ATP8B3: variants seen among roughly 807,000 people sequenced by gnomAD.
ATP8B3 encodes the protein ATPase phospholipid transporting 8B3, also known as phospholipid-transporting ATPase IK.
In ATP8B3, 141 loss-of-function variants were observed where a neutral mutation model predicts 140.9. That is an observed-to-expected ratio of 1.00 (90% CI 0.87 to 1.15). The LOEUF (loss-of-function observed/expected upper bound fraction) is 1.15. Among genes scored for constraint, ATP8B3 ranks in the 50% most tolerant of loss-of-function variants. ATP8B3 has a pLI of 0.00. For missense variants in ATP8B3, 1,874 were observed against 1,740.6 expected, an observed-to-expected ratio of 1.08 and a Z score of -1.36; for synonymous variants, 765 against 714.6, an observed-to-expected ratio of 1.07 and a Z score of -1.13.
rs373632059 is a variant in ATP8B3 at position 1,783,244 on chromosome 19, G to A, written c.3687C>T (p.Ser1229=). Residue 1229 remains serine (S), a synonymous_variant, in exon 29 of 29, where the codon AGC becomes AGT. Coordinates refer to ENST00000310127, the MANE Select transcript of ATP8B3 (RefSeq NM_138813.4). ...AKEEKVEEGP[S]EEIFTMEPLP... ...AGGGCTCCATGGTGAAAATCTCCTC[G>A]CTGGGGCCCTCCTCCACCTTCTCCT... 9.9e-6 allele frequency: 16 copies of A among 1,609,918 alleles called. No homozygotes were observed. The African/African-American group carries it at 1.5e-4, about 15-fold the overall frequency.
chr19:1,782,917 A>G lies in ATP8B3; in HGVS notation c.*111T>C, dbSNP rs2068198218. On this transcript the variant is annotated 3_prime_UTR_variant, in exon 29 of 29. Transcript: ENST00000310127. ...TTTCTGGATGAAGAGCGGATTGTCT[A>G]TCCATAGAAAATGATGAGCTAGGTG... The G allele has an allele frequency of 4.3e-6, 6 of 1,384,534 alleles. No homozygotes were observed. The highest frequency in any genetic ancestry group is 1.5e-5 in the African/African-American group (1 of 68,914). The allele number at this position is 1,384,534 out of a possible 1,614,324, so 85.8% of individuals were successfully genotyped here. A position where few individuals can be genotyped will look rare whatever the true frequency, so the allele number is the denominator to read the frequency against.
At position 1,809,600 on chromosome 19, in the gene ATP8B3, G is replaced by A. The variant is rs762309893; in HGVS notation, c.402+43C>T. The A allele has an allele frequency of 4.6e-6, 7 of 1,518,600 alleles. No homozygotes were observed. In the East Asian group the frequency reaches 1.2e-4, roughly 26 times the overall value. 94.1% of individuals were successfully genotyped at this position (1,518,600 alleles called of 1,614,324 possible). A position where few individuals can be genotyped will look rare whatever the true frequency, so the allele number is the denominator to read the frequency against. ...AAAATAGATTCCCCGAGGGTACCAC[G>A]GCAGCTCCTCTGGAGCAGGGAGGCG... On this transcript the variant is annotated intron_variant, in intron 4 of 28. Coordinates refer to ENST00000310127, the MANE Select transcript of ATP8B3 (RefSeq NM_138813.4).
rs1295843636 is a variant in ATP8B3 at position 1,792,098 on chromosome 19, G to A, written c.2093C>T (p.Ala698Val). 3 of 1,574,416 alleles carry A rather than the reference G, an allele frequency of 1.9e-6. No individual in the cohort carries two copies. Among genetic ancestry groups the A allele is most frequent in the Non-Finnish European group, 8.6e-7 (1 of 1,164,546 alleles). Reference protein sequence around the residue: ...AQETLRTLCLAYREVAEDIYE... With the variant: ...AQETLRTLCLVYREVAEDIYE... ...AATGTCCTCAGCCACCTCCCTGTAG[G>A]CCAGGCACAGTGTCCGCAGGGTCTC... The change falls in exon 19 of 29, where the codon GCC becomes GTC. Residue 698 changes from alanine (A) to valine (V), a missense_variant. This residue lies in a region of ATP8B3 where 1,032 missense variants were observed against 963.6 expected (regional missense o/e 1.07). Coordinates refer to ENST00000310127, the MANE Select transcript of ATP8B3 (RefSeq NM_138813.4).
rs577814866 is a variant in ATP8B3, at chr19:1,786,906, G to A, written c.3153+197C>T. On this transcript the variant is annotated intron_variant, in intron 25 of 28. Transcript: ENST00000310127. ...CTCCCACACACAGGAGGAGCTGGAT[G>A]GCCCCGGGATGAGCGTAGGCTCCGG... 2.0e-5 allele frequency among the ~76,000 whole-genome samples: 3 copies of A among 152,356 alleles called. No homozygotes were observed. In the East Asian group the frequency reaches 5.8e-4, roughly 29 times the overall value.
At position 1,789,608 on chromosome 19, in the gene ATP8B3, C is replaced by T. The variant is rs1162180618; in HGVS notation, c.2598G>A (p.Leu866=). ...SRRDFLYARR[L]SLLCRRFGLP... is the part of the protein sequence containing the mutation. ...GCCCGAACCTCCGGCACAGCAGGGA[C>T]AGGCGCCTGGCGTAGAGGAAATCCC... The change falls in exon 23 of 29, where the codon CTG becomes CTA. Residue 866 remains leucine, a synonymous_variant. Transcript: ENST00000310127. The T allele has an allele frequency of 1.9e-6, 3 of 1,592,588 alleles. No homozygotes were observed. Among genetic ancestry groups the T allele is most frequent in the South Asian group, 1.1e-5 (1 of 88,880 alleles).
intron 18 of ATP8B3, among the ~76,000 whole-genome samples, chr19:1,792,737 C>T (rs1030387384): frequency 6.6e-6 from 1 of 151,912 alleles, no homozygotes; most frequent in African/African-American, 2.4e-5. Context: ...TACGGTGAAA[C>T]CGCGTCTCCA....
Position 1,802,480 on chromosome 19 carries a change from G to A in ATP8B3, c.1063+7C>T. 2.2e-6 allele frequency: 3 copies of A among 1,366,346 alleles called. No individual in the cohort carries two copies. The highest frequency in any genetic ancestry group is 2.9e-6 in the Non-Finnish European group (3 of 1,042,564). The allele number at this position is 1,366,346 out of a possible 1,614,324, so 84.6% of individuals were successfully genotyped here. The stretch of plus-strand genomic sequence containing the variant: ...GCTCCCACTCCAGGACCCTGGAGCA[G>A]CCGTACCAGCATAAATGACCAGTCC... On this transcript the variant is annotated splice_region_variant and intron_variant, in intron 11 of 28. Coordinates refer to ENST00000310127, the MANE Select transcript of ATP8B3 (RefSeq NM_138813.4).
intron 25 of ATP8B3, among the ~76,000 whole-genome samples, chr19:1,786,484 T>G (rs1171979728): frequency 6.6e-6 from 1 of 151,400 alleles, no homozygotes; most frequent in Non-Finnish European, 1.5e-5. Context: ...GAGAATCGCT[T>G]GAACCCGGGA....
rs140309498 is a variant in ATP8B3 at position 1,808,261 on chromosome 19, G to A, written c.477C>T (p.Arg159=). 7 of 1,613,038 alleles carry A rather than the reference G, an allele frequency of 4.3e-6. No individual in the cohort carries two copies. Among genetic ancestry groups the A allele is most frequent in the East Asian group, 2.2e-5 (1 of 44,878 alleles). Residue 159 remains arginine (R), a synonymous_variant, in exon 5 of 29, where the codon CGC becomes CGT. Coordinates refer to ENST00000310127, the MANE Select transcript of ATP8B3 (RefSeq NM_138813.4). ...LPLNLYEQFH[R]VSNLFFLIII... ...TGATGAGGAAGAACAGGTTGGACAC[G>A]CGGTGGAACTGCTCGTACAGGTTCA...
At position 1,807,375 on chromosome 19, in the gene ATP8B3, G is replaced by A. The variant is rs538609047; in HGVS notation, c.517-109C>T. 13 of 863,136 alleles carry A rather than the reference G, an allele frequency of 1.5e-5. No individual in the cohort carries two copies. In the African/African-American group the frequency reaches 1.7e-4, roughly 11 times the overall value. The allele number at this position is 863,136 out of a possible 1,614,324, so 53.5% of individuals were successfully genotyped here. A position where few individuals can be genotyped will look rare whatever the true frequency, so the allele number is the denominator to read the frequency against. On this transcript the variant is annotated intron_variant, in intron 5 of 28. Coordinates refer to ENST00000310127, the MANE Select transcript of ATP8B3 (RefSeq NM_138813.4). This position sits in a 1 kb window ranked among gnomAD's most constrained non-coding sequence, Gnocchi z 5.9. ...CTCGACACCACGTGACACATCTGCT[G>A]GCCACCTTGACCGGGGTCCAGCCAT... is the stretch of plus-strand genomic sequence containing the variant.
Position 1,799,947 on chromosome 19 carries a change from C to G in ATP8B3, c.1552G>C (p.Gly518Arg), listed in dbSNP as rs2068789358. 6.3e-7 allele frequency: 1 copy of G among 1,592,046 alleles called. No individual in the cohort carries two copies. The highest frequency in any genetic ancestry group is 8.5e-7 in the Non-Finnish European group (1 of 1,169,720). The change falls in exon 14 of 29, where the codon GGG (glycine) becomes CGG (arginine). Residue 518 changes from glycine (G) to arginine (R), a missense_variant and splice_region_variant. Physicochemically the swap from Gly to Arg is moderately radical, Grantham distance 125. Around this residue, in one of 3 missense-constraint regions of ATP8B3, gnomAD observed 1,032 missense variants for 963.6 expected, o/e 1.07. Transcript: ENST00000310127. Reference sequence around the variant, plus strand: ...GGGAGCTCAGGTGTCGGGGCCGCACCATAGACGCGGCCGCTGATGCAGCAC... The same window carrying G: ...GGGAGCTCAGGTGTCGGGGCCGCACGATAGACGCGGCCGCTGATGCAGCAC... ...NKCCISGRVY[G>R]PDSEATTRPK...
chr19:1,789,668 C>A lies in ATP8B3; in HGVS notation c.2538G>T (p.Met846Ile), dbSNP rs1391528264. The stretch of plus-strand genomic sequence containing the variant: ...GGCCGAGCTCCTGCCACGCCTCGTC[C>A]ATGTTCACGTTCTGCGCCAGGGCGC... ...EPRALAQNVN[M>I]DEAWQELGQS... The change falls in exon 23 of 29, where the codon ATG becomes ATT. Residue 846 changes from methionine to isoleucine, a missense_variant. Around this residue, in one of 3 missense-constraint regions of ATP8B3, gnomAD observed 840 missense variants for 760.9 expected, o/e 1.10. Coordinates refer to ENST00000310127, the MANE Select transcript of ATP8B3 (RefSeq NM_138813.4). The A allele has an allele frequency of 6.2e-7, 1 of 1,601,674 alleles. No individual in the cohort carries two copies. Among genetic ancestry groups the A allele is most frequent in the African/African-American group, 1.3e-5 (1 of 74,726 alleles).
In ATP8B3 at chr19:1,809,140, T is replaced by G. The variant is rs1489483471; in HGVS notation, c.402+503A>C. 4.4e-4 allele frequency among the ~76,000 whole-genome samples: 61 copies of G among 139,746 alleles called. 1 individual carries two copies. Among genetic ancestry groups the G allele is most frequent in the Middle Eastern group, 4.5e-3 (1 of 222 alleles). The allele number at this position is 139,746 out of a possible 152,430, so 91.7% of individuals were successfully genotyped here. On this transcript the variant is annotated intron_variant, in intron 4 of 28. Transcript: ENST00000310127. Reference sequence around the variant, plus strand: ...AGTGAGCCGAGATCTCGCCACTGCATTCCAGCCTGGGCGACAGAGCGAGAC... The same window carrying G: ...AGTGAGCCGAGATCTCGCCACTGCAGTCCAGCCTGGGCGACAGAGCGAGAC...
intron 21 of ATP8B3, 51 bp from the exon 22 acceptor site, chr19:1,790,040 A>G: frequency 7.1e-7 from 1 of 1,403,570 alleles, no homozygotes; most frequent in Non-Finnish European, 1.0e-6. Flanking sequence ...GCTTCTCCCC[A>G]CTTCCCCGGG....
intron 28 of ATP8B3, among the ~76,000 whole-genome samples, chr19:1,783,863 T>C (rs1486786853): frequency 1.3e-5 from 2 of 152,186 alleles, no homozygotes; most frequent in African/African-American, 2.4e-5. Context: ...AGGTGGGGTC[T>C]TGCTCTGTTG....
chr19:1,802,487 C>T lies in ATP8B3; in HGVS notation c.1063G>A (p.Gly355Ser). 2 of 1,571,680 alleles carry T rather than the reference C, an allele frequency of 1.3e-6. No homozygotes were observed. Among genetic ancestry groups the T allele is most frequent in the Non-Finnish European group, 1.7e-6 (2 of 1,159,686 alleles). Residue 355 changes from glycine (G) to serine (S), a missense_variant and splice_region_variant, in exon 11 of 29, where the codon GGT (glycine) becomes AGT (serine). Coordinates refer to ENST00000310127, the MANE Select transcript of ATP8B3 (RefSeq NM_138813.4). ...CTCCAGGACCCTGGAGCAGCCGTAC[C>T]AGCATAAATGACCAGTCCATAGCAG... ...DTCYGLVIYA[G>S]FDTKIMKNCG... is the part of the protein sequence containing the mutation.
At chr19:1,788,132 G>A (rs934524278) in intron 24 of ATP8B3, among the ~76,000 whole-genome samples, 8 of 152,184 alleles carry the variant, frequency 5.3e-5, no homozygotes. Context: ...CCAGGTATTA[G>A]TGATGGGAGC....
chr19:1,787,604 C>G (rs1425474241), intron 24 of ATP8B3, among the ~76,000 whole-genome samples: 1 of 151,876 alleles, frequency 6.6e-6, no homozygotes, highest in African/African-American at 2.4e-5. Flanking sequence ...TAGCAGGCGC[C>G]TGTAATCCCA....
intron 16 of ATP8B3, 103 bp downstream of exon 16, chr19:1,796,608 G>T: frequency 7.0e-7 from 1 of 1,436,180 alleles, no homozygotes; most frequent in Non-Finnish European, 9.2e-7. Context: ...CCCCAAGCCA[G>T]CTGAAAGCCC....
Sources: allele counts gnomAD v4.1 joint callset (sites outside exome capture counted in the v4.1 genomes callset), GRCh38; gene constraint gnomAD v4.1.1; regional missense constraint gnomAD v4.1.1; non-coding constraint Gnocchi (gnomAD v3.1); transcripts MANE v1.5; gene names NCBI Gene and HGNC (gene_info 2026-07-23, HGNC 2026-07-21).